The following RPGRIP1L variants were observed in gnomAD, a reference collection of about 807,000 sequenced individuals.
RPGRIP1L encodes the protein RPGRIP1 like.
RPGRIP1L carries 131 observed loss-of-function variants against 160.4 expected under a neutral mutation model. The ratio of observed to expected loss-of-function variants is 0.82; its 90% CI spans 0.71 to 0.94. RPGRIP1L has a LOEUF of 0.94. Among genes scored for constraint, RPGRIP1L ranks in the 40% least tolerant of loss-of-function variants. The probability of loss-of-function intolerance (pLI) is 0.00; values close to 1 mark genes in which losing one functional copy is unlikely to be tolerated. For synonymous variants in RPGRIP1L, 510 were observed against 515.8 expected (o/e 0.99, Z 0.15); for missense variants, 1,522 against 1,535.8 (o/e 0.99, Z 0.15).
Position 53,607,870 on chromosome 16 carries a change from G to A in RPGRIP1L, c.3702-2256C>T, listed in dbSNP as rs1963782416. On this transcript the variant is annotated intron_variant, in intron 25 of 26. Transcript: ENST00000647211. ...CACTAAAATCATTTAAGAATTAAAA[G>A]TAATTTTTAAAAAATAACGAAAAGA... 7.0e-6 allele frequency: 3 copies of A among 427,010 alleles called. No individual in the cohort carries two copies. The South Asian group carries it at 2.9e-4, about 42-fold the overall frequency. The allele number at this position is 427,010 out of a possible 1,614,324, so 26.5% of individuals were successfully genotyped here. A position where few individuals can be genotyped will look rare whatever the true frequency, so the allele number is the denominator to read the frequency against.
intron 15 of RPGRIP1L, among the ~76,000 whole-genome samples, chr16:53,650,389 GAAT>G (rs1295985365): frequency 1.3e-5 from 2 of 152,072 alleles, no homozygotes; most frequent in African/African-American, 2.4e-5. Flanking sequence ...AGTCCTAAAA[GAAT>G]AATATTAATG....
Position 53,673,068 on chromosome 16 carries a change from AATTTGACTAAATG to A in RPGRIP1L, c.883-65_883-53del, listed in dbSNP as rs772122819. The stretch of plus-strand genomic sequence containing the variant: ...AACATTATTTTTGACTAAATGATTA[AATTTGACTAAATG>A]ATTTGACTAAATGATTACAATTCTA... On this transcript the variant is annotated intron_variant, in intron 7 of 26. Coordinates refer to ENST00000647211, the MANE Select transcript of RPGRIP1L (RefSeq NM_015272.5). 6.0e-6 allele frequency: 9 copies of A among 1,495,202 alleles called. No homozygotes were observed. In the Admixed American group the frequency reaches 8.8e-5, roughly 15 times the overall value. 92.6% of individuals were successfully genotyped at this position (1,495,202 alleles called of 1,614,324 possible). A position where few individuals can be genotyped will look rare whatever the true frequency, so the allele number is the denominator to read the frequency against.
chr16:53,638,224 C>T (rs1965963445), intron 20 of RPGRIP1L, 86 bp downstream of exon 20: 1 of 842,628 alleles, frequency 1.2e-6, no homozygotes. Context: ...AATGCTATGA[C>T]TTCCTGAGTC....
chr16:53,679,236 C>T (rs1387329732), intron 6 of RPGRIP1L, among the ~76,000 whole-genome samples: 1 of 152,104 alleles, frequency 6.6e-6, no homozygotes, highest in Non-Finnish European at 1.5e-5. Context: ...GTTTTGTCAG[C>T]TCTCTACATG....
chr16:53,664,751 G>C, intron 10 of RPGRIP1L, 119 bp downstream of exon 10: 1 of 1,113,466 alleles, frequency 9.0e-7, no homozygotes, highest in South Asian at 1.2e-5. Flanking sequence ...GACTGTGTCT[G>C]TCCCTCATAC....
In RPGRIP1L at chr16:53,638,406, A is replaced by C. The variant is rs2151040746; in HGVS notation, c.2964T>G (p.Thr988=). The C allele has an allele frequency of 1.1e-5, 16 of 1,512,680 alleles. No homozygotes were observed. Among genetic ancestry groups the C allele is most frequent in the Non-Finnish European group, 1.4e-5 (15 of 1,088,294 alleles). 93.7% of individuals were successfully genotyped at this position (1,512,680 alleles called of 1,614,324 possible). Residue 988 remains threonine, a synonymous_variant, in exon 20 of 27, where the codon ACT becomes ACG. Transcript: ENST00000647211. The part of the protein sequence containing the change: ...VDIMPHQSDE[T]SPPPEDRKEI... The stretch of plus-strand genomic sequence containing the variant: ...CCTTCCTATCTTCAGGAGGAGGAGA[A>C]GTCTCCTTATATTAATGTGAAAACA...
chr16:53,630,413 G>A (rs910186274), intron 22 of RPGRIP1L, among the ~76,000 whole-genome samples: 1 of 152,090 alleles, frequency 6.6e-6, no homozygotes, highest in Non-Finnish European at 1.5e-5. Flanking sequence ...GTTTGGCAAA[G>A]AGTGTAATAG....
chr16:53,620,690 C>T (rs1964652311), intron 23 of RPGRIP1L, among the ~76,000 whole-genome samples: 2 of 152,260 alleles, frequency 1.3e-5, no homozygotes, highest in Middle Eastern at 3.4e-3. Flanking sequence ...AAAGGTTACT[C>T]GGTTTCAACT....
chr16:53,612,132 C>T (rs892986455), intron 24 of RPGRIP1L, among the ~76,000 whole-genome samples: 2 of 151,980 alleles, frequency 1.3e-5, no homozygotes, highest in African/African-American at 2.4e-5. Context: ...AGGCACAAGG[C>T]GGGAGAGACA....
intron 15 of RPGRIP1L, among the ~76,000 whole-genome samples, chr16:53,651,373 C>T (rs979238939): frequency 3.9e-5 from 6 of 152,136 alleles, no homozygotes; most frequent in Non-Finnish European, 8.8e-5. Flanking sequence ...AGCCTGAGAA[C>T]GGTCCTATTT....
chr16:53,666,169 T>C (rs1324866309), intron 9 of RPGRIP1L, among the ~76,000 whole-genome samples: 1 of 152,206 alleles, frequency 6.6e-6, no homozygotes, highest in East Asian at 1.9e-4. Context: ...CCAAAAAAGA[T>C]ACTTTTCTGG....
rs985999746 is a variant in RPGRIP1L at position 53,634,739 on chromosome 16, G to A, written c.3294+1700C>T. Among the ~76,000 whole-genome samples the A allele has an allele frequency of 4.6e-5, 7 of 152,272 alleles. No homozygotes were observed. The South Asian group carries it at 1.0e-3, about 23-fold the overall frequency. ...ATGCCATGAGTGGAAGCAGCTTGAG[G>A]CCCTCACCAAATGCAGATGCCAGTG... is the stretch of plus-strand genomic sequence containing the variant. On this transcript the variant is annotated intron_variant, in intron 22 of 26. Transcript: ENST00000647211.
intron 4 of RPGRIP1L, among the ~76,000 whole-genome samples, chr16:53,690,147 T>C (rs577231895): frequency 6.6e-6 from 1 of 152,208 alleles, no homozygotes; most frequent in Non-Finnish European, 1.5e-5. Flanking sequence ...TTGTGTTAAA[T>C]GATCTAATTA....
At chr16:53,604,661 C>A (rs1963561642) in intron 26 of RPGRIP1L, among the ~76,000 whole-genome samples, 1 of 152,146 alleles carries the variant, frequency 6.6e-6, no homozygotes, top group Non-Finnish European at 1.5e-5. Context: ...TCACAAAATC[C>A]TGGTGGGAAA....
intron 17 of RPGRIP1L, among the ~76,000 whole-genome samples, chr16:53,642,084 A>G (rs540136501): frequency 6.8e-4 from 104 of 152,282 alleles, no homozygotes; most frequent in African/African-American, 2.5e-3. Flanking sequence ...CAGTAACAAA[A>G]GAAACTTGAA....
chr16:53,619,250 T>A (rs935886814), intron 23 of RPGRIP1L, 42 bp from the exon 24 acceptor site: 35 of 1,563,048 alleles, frequency 2.2e-5, no homozygotes, highest in Non-Finnish European at 3.0e-5. Flanking sequence ...AGAAATAAAA[T>A]AATTGAACAA....
chr16:53,652,774 TAGAA>T lies in RPGRIP1L; in HGVS notation c.1909_1912del (p.Phe637MetfsTer10). 6.2e-7 allele frequency: 1 copy of T among 1,614,146 alleles called. No homozygotes were observed. Among genetic ancestry groups the T allele is most frequent in the Non-Finnish European group, 8.5e-7 (1 of 1,180,008 alleles). ...GGGAGTTGTCTGTAGTTCAAAATCA[TAGAA>T]AGCATAGGTACAGAAAGTGACAGGC... On this transcript the variant is annotated frameshift_variant, in exon 15 of 27. Transcript: ENST00000647211. LOFTEE classifies it high-confidence loss of function.
chr16:53,633,683 G>T (rs1965660580), intron 22 of RPGRIP1L, among the ~76,000 whole-genome samples: 2 of 152,062 alleles, frequency 1.3e-5, no homozygotes. Flanking sequence ...CACTCAAATG[G>T]TTCATAACAA....
At chr16:53,676,323 T>A (rs1014170209) in intron 6 of RPGRIP1L, among the ~76,000 whole-genome samples, 3 of 152,138 alleles carry the variant, frequency 2.0e-5, no homozygotes, top group Admixed American at 6.6e-5. Context: ...TATCTAGTAG[T>A]TCTGAGCACA....
Sources: allele counts gnomAD v4.1 joint callset (sites outside exome capture counted in the v4.1 genomes callset), GRCh38; gene constraint gnomAD v4.1.1; transcripts MANE v1.5; gene names NCBI Gene and HGNC (gene_info 2026-07-23, HGNC 2026-07-21).